The following PLEKHH2 variants were observed in gnomAD, a reference collection of about 807,000 sequenced individuals.
PLEKHH2 encodes the protein pleckstrin homology, MyTH4 and FERM domain containing H2, also known as pleckstrin homology domain-containing family H member 2.
PLEKHH2 carries 129 observed loss-of-function variants against 187.9 expected under a neutral mutation model. The ratio of observed to expected loss-of-function variants is 0.69; its 90% CI spans 0.59 to 0.79. The LOEUF is 0.79. Ranked by LOEUF, PLEKHH2 falls within the 30% of genes least tolerant of loss-of-function variation. PLEKHH2 has a pLI of 0.00. For missense variants in PLEKHH2, 2,076 were observed against 1,751.2 expected (o/e 1.19, Z -3.31); for synonymous variants, 686 against 605.6 (o/e 1.13, Z -1.95).
chr2:43,689,536 A>G (rs1668692125), intron 3 of PLEKHH2, among the ~76,000 whole-genome samples: 1 of 152,326 alleles, frequency 6.6e-6, no homozygotes, highest in South Asian at 2.1e-4. Flanking sequence ...TTTAAAAGGC[A>G]TCTTGGCTTT....
At chr2:43,657,200 C>A (rs1416245885) in intron 2 of PLEKHH2, among the ~76,000 whole-genome samples, 1 of 152,156 alleles carries the variant, frequency 6.6e-6, no homozygotes, top group Admixed American at 6.5e-5. Context: ...ACTGCGGGTG[C>A]TCGGACAGCT....
At chr2:43,717,416 T>TCAAACAAACAAA (rs57980394) in intron 15 of PLEKHH2, among the ~76,000 whole-genome samples, 1 of 150,844 alleles carries the variant, frequency 6.6e-6, no homozygotes, top group East Asian at 1.9e-4. Context: ...AGACTCCACC[T>TCAAACAAACAAA]CAAACAAACA....
In PLEKHH2 at chr2:43,745,955, CA is replaced by C. The variant is rs779026736; in HGVS notation, c.3650del (p.Asn1217ThrfsTer20). The C allele has an allele frequency of 1.2e-6, 2 of 1,605,222 alleles. No homozygotes were observed. The highest frequency in any genetic ancestry group is 2.2e-5 in the South Asian group (2 of 89,894). ...EGTRTVRLTY[K>X]NRLYFSVQAR... ...GTACAAGGACTGTTCGTCTGACATA[CA>C]AAAACAGGTGTGTAATACTGCATCC... On this transcript the variant is annotated frameshift_variant, in exon 24 of 30. Coordinates refer to ENST00000282406, the MANE Select transcript of PLEKHH2 (RefSeq NM_172069.4). LOFTEE classifies it high-confidence loss of function.
intron 14 of PLEKHH2, chr2:43,710,937 A>T (rs1669934800): frequency 2.0e-6 from 2 of 1,015,050 alleles, no homozygotes; most frequent in Non-Finnish European, 2.4e-6. Flanking sequence ...TGTGAAATTC[A>T]GGAATGTTTG....
chr2:43,697,368 C>G lies in PLEKHH2; in HGVS notation c.688+12C>G, dbSNP rs1669143972. ...AAAAGACATGGAAGGTATTTATGAA[C>G]TACAGGAATTGACTTTGGCATTTTT... On this transcript the variant is annotated intron_variant, in intron 7 of 29. Coordinates refer to ENST00000282406, the MANE Select transcript of PLEKHH2 (RefSeq NM_172069.4). The G allele has an allele frequency of 1.3e-6, 2 of 1,587,048 alleles. No homozygotes were observed.
Position 43,695,158 on chromosome 2 carries a change from C to A in PLEKHH2, c.436C>A (p.Gln146Lys). 1 of 1,591,752 alleles carries A rather than the reference C, an allele frequency of 6.3e-7. No homozygotes were observed. Among genetic ancestry groups the A allele is most frequent in the Non-Finnish European group, 8.6e-7 (1 of 1,165,254 alleles). Reference sequence around the variant, plus strand: ...GTTCTCTTAGCTGGAATTGGAGAATCAGAATCTTCGTTTGATCAACCAAAA... The same window carrying A: ...GTTCTCTTAGCTGGAATTGGAGAATAAGAATCTTCGTTTGATCAACCAAAA... ...VKLNELELEN[Q>K]NLRLINQNQT... Residue 146 changes from glutamine to lysine, a missense_variant, in exon 6 of 30, where the codon CAG (glutamine) becomes AAG (lysine). Transcript: ENST00000282406.
intron 24 of PLEKHH2, 36 bp from the exon 25 acceptor site, chr2:43,753,583 A>G (rs775164310): frequency 1.4e-6 from 2 of 1,406,268 alleles, no homozygotes. Context: ...TTGTAAGAAT[A>G]TAATTTAATG....
intron 3 of PLEKHH2, among the ~76,000 whole-genome samples, chr2:43,687,585 A>G (rs1668582361): frequency 6.6e-6 from 1 of 152,220 alleles, no homozygotes; most frequent in African/African-American, 2.4e-5. Flanking sequence ...TAGTGGCTGA[A>G]CTAATTTACA....
chr2:43,733,499 C>A (rs1671147074), intron 19 of PLEKHH2, among the ~76,000 whole-genome samples: 2 of 152,098 alleles, frequency 1.3e-5, no homozygotes, highest in South Asian at 4.1e-4. Context: ...TTCATTTTTC[C>A]CTAGTCTCTT....
Position 43,757,241 on chromosome 2 carries a change from T to A in PLEKHH2, c.3918T>A (p.Asp1306Glu), listed in dbSNP as rs1296422130. The A allele has an allele frequency of 3.2e-6, 5 of 1,585,500 alleles. No individual in the cohort carries two copies. The highest frequency in any genetic ancestry group is 4.3e-6 in the Non-Finnish European group (5 of 1,168,598). ...AATTTTATCCTAAAAGGTATAGAGATGGCTGTTCTGAAGAGCAGTTAAGGT... is the reference window on the plus strand; with the variant it reads ...AATTTTATCCTAAAAGGTATAGAGAAGGCTGTTCTGAAGAGCAGTTAAGGT... ...IEKFYPKRYRDGCSEEQLRQL... is the reference protein window; with the variant it reads ...IEKFYPKRYREGCSEEQLRQL... Residue 1306 changes from aspartate to glutamate, a missense_variant, in exon 26 of 30, where the codon GAT (aspartate) becomes GAA (glutamate). Coordinates refer to ENST00000282406, the MANE Select transcript of PLEKHH2 (RefSeq NM_172069.4).
chr2:43,681,896 T>A (rs1668211328), intron 3 of PLEKHH2, among the ~76,000 whole-genome samples: 1 of 152,220 alleles, frequency 6.6e-6, no homozygotes, highest in Non-Finnish European at 1.5e-5. Context: ...CAATGTAGCC[T>A]AATCTTTGAT....
intron 18 of PLEKHH2, among the ~76,000 whole-genome samples, chr2:43,731,260 A>G (rs1282479537): frequency 2.0e-5 from 3 of 152,142 alleles, no homozygotes; most frequent in East Asian, 1.9e-4. Flanking sequence ...CCAAAAACCT[A>G]TGGAAATTTT....
At chr2:43,744,141 A>G in intron 23 of PLEKHH2, 152 bp downstream of exon 23, 2 of 1,393,148 alleles carry the variant, frequency 1.4e-6, no homozygotes, top group Non-Finnish European at 9.4e-7. Context: ...AAAATGCAGG[A>G]CTTTGTTAAA....
intron 17 of PLEKHH2, among the ~76,000 whole-genome samples, chr2:43,727,361 G>T (rs1670805116): frequency 7.5e-6 from 1 of 133,182 alleles, no homozygotes; most frequent in Non-Finnish European, 1.5e-5. Flanking sequence ...GCAGTGAGCT[G>T]AGATCGCACC....
intron 9 of PLEKHH2, among the ~76,000 whole-genome samples, chr2:43,706,088 G>C (rs1669642134): frequency 6.6e-6 from 1 of 152,168 alleles, no homozygotes; most frequent in African/African-American, 2.4e-5. Flanking sequence ...CTCTCAAAGA[G>C]CTTGCAGTCT....
At chr2:43,745,687 C>T (rs1290842056) in intron 23 of PLEKHH2, among the ~76,000 whole-genome samples, 179 bp from the exon 24 acceptor site, 1 of 152,070 alleles carries the variant, frequency 6.6e-6, no homozygotes, top group Non-Finnish European at 1.5e-5. Flanking sequence ...ATAAGTGGAC[C>T]AAATAGCAAT....
chr2:43,692,430 A>G (rs887165224), intron 3 of PLEKHH2, 84 bp from the exon 4 acceptor site: 209 of 1,132,516 alleles, frequency 1.8e-4, no homozygotes, highest in Non-Finnish European at 2.5e-4. Context: ...AGGAATCTAC[A>G]TAATATTAAG....
intron 1 of PLEKHH2, among the ~76,000 whole-genome samples, chr2:43,639,550 C>T (rs921084111): frequency 6.6e-6 from 1 of 151,808 alleles, no homozygotes; most frequent in Non-Finnish European, 1.5e-5. Context: ...GCATCTTTCA[C>T]TTAGCATAAT....
At chr2:43,666,543 A>C (rs948043034) in intron 2 of PLEKHH2, among the ~76,000 whole-genome samples, 3 of 152,230 alleles carry the variant, frequency 2.0e-5, no homozygotes, top group African/African-American at 7.2e-5. Context: ...GTTTCTAAGG[A>C]GACTGTACCA....
Sources: allele counts gnomAD v4.1 joint callset (sites outside exome capture counted in the v4.1 genomes callset), GRCh38; gene constraint gnomAD v4.1.1; transcripts MANE v1.5; gene names NCBI Gene and HGNC (gene_info 2026-07-23, HGNC 2026-07-21).